The following RBFOX1 variants were observed in gnomAD, a reference collection of about 807,000 sequenced individuals.
The protein encoded by RBFOX1 is RNA binding fox-1 homolog 1.
A neutral mutation model predicts 57.7 loss-of-function variants in RBFOX1; 8 were observed. That is an observed-to-expected ratio of 0.14 (90% CI 0.08 to 0.25). The LOEUF (loss-of-function observed/expected upper bound fraction) is 0.25. Ranked by LOEUF, RBFOX1 falls within the 10% of genes least tolerant of loss-of-function variation. The pLI, the probability that RBFOX1 is intolerant of heterozygous loss-of-function variation, is 1.00. For synonymous variants in RBFOX1, 326 were observed against 222.4 expected (o/e 1.47, Z -4.15); for missense variants, 611 against 548.5 (o/e 1.11, Z -1.14).
chr16:6,885,731 C>T (rs1331174294), intron 3 of RBFOX1, among the ~76,000 whole-genome samples: 4 of 152,034 alleles, frequency 2.6e-5, no homozygotes, highest in South Asian at 2.1e-4. Flanking sequence ...TGGGTTTCAC[C>T]AGGTTGGACA....
intron 3 of RBFOX1, among the ~76,000 whole-genome samples, chr16:5,749,409 G>A (rs577235679): frequency 5.9e-5 from 9 of 152,050 alleles, no homozygotes; most frequent in Non-Finnish European, 1.0e-4. Flanking sequence ...TTGAATGTTG[G>A]CCTGCCATGC....
intron 3 of RBFOX1, chr16:5,610,289 C>T (rs1401461012): frequency 6.6e-6 from 1 of 152,260 alleles, no homozygotes; most frequent in African/African-American, 2.4e-5. Flanking sequence ...AGCTGCTGTA[C>T]ACTCGCTATG....
chr16:6,895,544 C>G (rs555259733), intron 3 of RBFOX1, among the ~76,000 whole-genome samples: 3 of 146,516 alleles, frequency 2.0e-5, no homozygotes, highest in East Asian at 4.0e-4. Context: ...TACAAGGCAG[C>G]TGCACATGAT....
rs149817867 is a variant in RBFOX1 at position 5,920,000 on chromosome 16, G to A, written c.351+52665G>A. 5.3e-4 allele frequency among the ~76,000 whole-genome samples: 80 copies of A among 152,120 alleles called. No individual in the cohort carries two copies. The East Asian group carries it at 6.8e-3, about 13-fold the overall frequency. ...GTCGCCCAGGCTGGAGTGCAGTGGCGCGATCTCACTGCAAGCTCCGCCTCC... is the reference window on the plus strand; with the variant it reads ...GTCGCCCAGGCTGGAGTGCAGTGGCACGATCTCACTGCAAGCTCCGCCTCC... On this transcript the variant is annotated intron_variant, in intron 4 of 19. Transcript: ENST00000641259.
In RBFOX1 at chr16:7,602,823, C is replaced by T. The variant is rs373531445; in HGVS notation, c.623-4462C>T. On this transcript the variant is annotated intron_variant, in intron 9 of 15. Coordinates refer to ENST00000550418, the MANE Select transcript of RBFOX1 (RefSeq NM_018723.4). Reference sequence around the variant, plus strand: ...CACACGGAACATTGTCCAGGATAAGCCACATGTCAGGCCACCAAACAAGTC... The same window carrying T: ...CACACGGAACATTGTCCAGGATAAGTCACATGTCAGGCCACCAAACAAGTC... Among the ~76,000 whole-genome samples the T allele has an allele frequency of 1.4e-3, 211 of 152,258 alleles. 1 individual carries two copies. Among genetic ancestry groups the T allele is most frequent in the African/African-American group, 4.7e-3 (195 of 41,540 alleles).
intron 1 of RBFOX1, among the ~76,000 whole-genome samples, chr16:6,069,188 C>T (rs907223916): frequency 6.6e-5 from 10 of 151,950 alleles, no homozygotes; most frequent in East Asian, 1.9e-4. Context: ...CACCTGAGGT[C>T]GGGAGTTGGA....
chr16:7,503,017 T>G lies in RBFOX1; in HGVS notation c.28-15130T>G, dbSNP rs191873569. On this transcript the variant is annotated intron_variant, in intron 4 of 15. Coordinates refer to ENST00000550418, the MANE Select transcript of RBFOX1 (RefSeq NM_018723.4). Reference sequence around the variant, plus strand: ...CAGCCTGGGTGACAGAGCAAGACTCTGTCTCAAAAAAAATAAATAAATTAT... The same window carrying G: ...CAGCCTGGGTGACAGAGCAAGACTCGGTCTCAAAAAAAATAAATAAATTAT... Among the ~76,000 whole-genome samples, 372 of 152,184 alleles carry G rather than the reference T, an allele frequency of 2.4e-3. 5 individuals carry two copies. The highest frequency in any genetic ancestry group is 6.8e-3 in the Middle Eastern group (2 of 292).
intron 2 of RBFOX1, among the ~76,000 whole-genome samples, chr16:6,411,218 G>A (rs952929559): frequency 6.6e-6 from 1 of 152,188 alleles, no homozygotes; most frequent in South Asian, 2.1e-4. Context: ...CCTGGGGCAA[G>A]CAGTTCTCCT....
At chr16:5,966,921 C>G (rs2059855058) in intron 4 of RBFOX1, among the ~76,000 whole-genome samples, 1 of 134,042 alleles carries the variant, frequency 7.5e-6, no homozygotes, top group Non-Finnish European at 1.5e-5. Context: ...ATTCAAATCA[C>G]TGAAGATTTA....
chr16:6,653,056 C>T (rs1397741405), intron 2 of RBFOX1, among the ~76,000 whole-genome samples: 5 of 152,152 alleles, frequency 3.3e-5, no homozygotes, highest in Non-Finnish European at 5.9e-5. Flanking sequence ...TTGCTTGGCT[C>T]TTTCCAGTGC....
In RBFOX1 at chr16:5,900,050, C is replaced by G. The variant is rs568435970; in HGVS notation, c.351+32715C>G. ...CCGAGATTGTGCCACTGCACTCCAG[C>G]CTTGGTGACAGAGCAAGACTCTGTC... On this transcript the variant is annotated intron_variant, in intron 4 of 19. Coordinates refer to the RBFOX1 transcript ENST00000641259. Among the ~76,000 whole-genome samples, 17 of 152,324 alleles carry G rather than the reference C, an allele frequency of 1.1e-4. 1 individual carries two copies. In the South Asian group the frequency reaches 3.5e-3, roughly 32 times the overall value.
Position 6,261,051 on chromosome 16 carries a change from A to G in RBFOX1, c.-126-55944A>G, listed in dbSNP as rs1235212193. On this transcript the variant is annotated intron_variant, in intron 1 of 15. Transcript: ENST00000550418. ...TCTTTTGCTTAGAGTGCTATCATCA[A>G]CTTGTATAACTTGCAATGTGTTAAA... 3.9e-5 allele frequency among the ~76,000 whole-genome samples: 6 copies of G among 152,184 alleles called. No homozygotes were observed. The East Asian group carries it at 5.8e-4, about 15-fold the overall frequency.
intron 3 of RBFOX1, among the ~76,000 whole-genome samples, chr16:7,038,347 A>C (rs569221862): frequency 4.6e-5 from 7 of 152,278 alleles, no homozygotes; most frequent in Admixed American, 3.9e-4. Context: ...TGAGGGAAAG[A>C]AATGGTGATT....
chr16:6,816,016 T>C (rs1036343532), intron 3 of RBFOX1, among the ~76,000 whole-genome samples: 1 of 152,188 alleles, frequency 6.6e-6, no homozygotes, highest in Non-Finnish European at 1.5e-5. Context: ...TATTGTACCA[T>C]TTAAAAATAA....
chr16:7,344,662 C>G (rs2096960786), intron 4 of RBFOX1, among the ~76,000 whole-genome samples: 1 of 151,884 alleles, frequency 6.6e-6, no homozygotes, highest in African/African-American at 2.4e-5. Context: ...ATAATTTCTA[C>G]CACTTTGAAG....
intron 3 of RBFOX1, among the ~76,000 whole-genome samples, chr16:5,700,038 T>C (rs2050985669): frequency 6.6e-6 from 1 of 152,166 alleles, no homozygotes; most frequent in South Asian, 2.1e-4. Flanking sequence ...TTTACCGTGT[T>C]AGCCAGGATG....
chr16:6,356,396 C>A (rs904342748), intron 2 of RBFOX1, among the ~76,000 whole-genome samples: 1 of 152,192 alleles, frequency 6.6e-6, no homozygotes, highest in Non-Finnish European at 1.5e-5. Flanking sequence ...TATGATTGTA[C>A]CACAGCCCTC....
In RBFOX1 at chr16:7,273,252, TC is replaced by T. The variant is rs2095372612; in HGVS notation, c.27+221156del. Among the ~76,000 whole-genome samples the T allele has an allele frequency of 3.1e-5, 3 of 96,494 alleles. 1 individual carries two copies. Among genetic ancestry groups the T allele is most frequent in the South Asian group, 3.9e-4 (1 of 2,586 alleles). The allele number at this position is 96,494 out of a possible 152,430, so 63.3% of individuals were successfully genotyped here. A position where few individuals can be genotyped will look rare whatever the true frequency, so the allele number is the denominator to read the frequency against. ...TTCCTTCCTTCCTTCCTTCCTTCCT[TC>T]CTTCCTTCCTCCCTTTCTCTTTTTC... On this transcript the variant is annotated intron_variant, in intron 4 of 15. Coordinates refer to ENST00000550418, the MANE Select transcript of RBFOX1 (RefSeq NM_018723.4).
chr16:6,826,895 C>T (rs963823645), intron 3 of RBFOX1, among the ~76,000 whole-genome samples: 13 of 152,110 alleles, frequency 8.5e-5, no homozygotes, highest in African/African-American at 2.4e-4. Context: ...AGAAATTTTC[C>T]GAATAAAATC....
Sources: gnomAD v4.1 joint callset for allele counts (sites outside exome capture counted in the v4.1 genomes callset) on GRCh38, gnomAD v4.1.1 for gene constraint, MANE v1.5 for transcripts, NCBI Gene and HGNC (gene_info 2026-07-23, HGNC 2026-07-21) for gene names.